Variants in LTBP1 observed in about 807,000 individuals in gnomAD.
LTBP1 encodes latent-transforming growth factor beta-binding protein 1.
LTBP1 carries 129 observed loss-of-function variants against 207.6 expected under a neutral mutation model. That is an observed-to-expected ratio of 0.62 (90% CI 0.54 to 0.72). The LOEUF (loss-of-function observed/expected upper bound fraction) is 0.72. LTBP1 is among the 30% of genes least tolerant of loss of function. The pLI, the probability that LTBP1 is intolerant of heterozygous loss-of-function variation, is 0.00. For synonymous variants in LTBP1, 963 were observed against 833.7 expected (o/e 1.16, Z -2.67); for missense variants, 2,281 against 2,217.2 (o/e 1.03, Z -0.58).
chr2:33,380,849 G>A (rs1320697795), intron 31 of LTBP1, among the ~76,000 whole-genome samples: 1 of 152,054 alleles, frequency 6.6e-6, no homozygotes, highest in Non-Finnish European at 1.5e-5. Flanking sequence ...TTATTCTTAA[G>A]CACATGCTTA....
chr2:33,202,594 C>A (rs1242880861), intron 7 of LTBP1, among the ~76,000 whole-genome samples: 3 of 152,210 alleles, frequency 2.0e-5, no homozygotes, highest in Non-Finnish European at 1.5e-5. Flanking sequence ...ACACTTTTCA[C>A]ACTGGTTATT....
At chr2:33,083,871 A>C (rs954191691) in intron 3 of LTBP1, among the ~76,000 whole-genome samples, 4 of 152,310 alleles carry the variant, frequency 2.6e-5, no homozygotes, top group African/African-American at 7.2e-5. Flanking sequence ...TGACCACCTG[A>C]CGCACTGTCA....
intron 2 of LTBP1, among the ~76,000 whole-genome samples, chr2:32,990,020 G>A (rs769466411): frequency 6.6e-5 from 10 of 152,136 alleles, no homozygotes; most frequent in East Asian, 1.9e-4. Flanking sequence ...TGGGAGGACC[G>A]CTTGAGCCCA....
rs926843824 is a variant in LTBP1, at chr2:33,169,293, C to T, written c.1202-17563C>T. 4.7e-4 allele frequency among the ~76,000 whole-genome samples: 72 copies of T among 152,276 alleles called. 1 individual carries two copies. Among genetic ancestry groups the T allele is most frequent in the Admixed American group, 2.9e-3 (45 of 15,286 alleles). On this transcript the variant is annotated intron_variant, in intron 5 of 33. Coordinates refer to ENST00000404816, the MANE Select transcript of LTBP1 (RefSeq NM_206943.4). ...CTGTTCTTCCATTCCTAACTCCACC[C>T]GAAACTGCCACATTATATTTTTCTT...
chr2:33,055,155 G>T (rs748576275), intron 3 of LTBP1, among the ~76,000 whole-genome samples: 12 of 152,154 alleles, frequency 7.9e-5, no homozygotes, highest in Middle Eastern at 3.2e-3. Flanking sequence ...CACCGAGGTT[G>T]CAAGGTTTAA....
intron 5 of LTBP1, among the ~76,000 whole-genome samples, chr2:33,176,321 G>T (rs1274451804): frequency 6.6e-6 from 1 of 152,112 alleles, no homozygotes; most frequent in East Asian, 1.9e-4. Context: ...CCGCCTCCCG[G>T]TTCATGCCAT....
intron 2 of LTBP1, among the ~76,000 whole-genome samples, chr2:32,955,302 T>C (rs1329880791): frequency 6.6e-6 from 1 of 152,260 alleles, no homozygotes; most frequent in Non-Finnish European, 1.5e-5. Context: ...CAGTCAAAGA[T>C]TGCTGCACAT....
chr2:33,013,628 C>A (rs1687969256), intron 2 of LTBP1, among the ~76,000 whole-genome samples: 2 of 152,140 alleles, frequency 1.3e-5, no homozygotes, highest in South Asian at 4.2e-4. Flanking sequence ...AGATCAGAAA[C>A]AATCCAGGAA....
At chr2:32,948,154 C>A (rs1040117008) in intron 1 of LTBP1, among the ~76,000 whole-genome samples, 2 of 152,164 alleles carry the variant, frequency 1.3e-5, no homozygotes, top group South Asian at 4.1e-4. Flanking sequence ...CAGTTTAATC[C>A]CTCAGCATCA....
Position 33,303,552 on chromosome 2 carries a change from G to A in LTBP1, c.3481+1908G>A, listed in dbSNP as rs532051659. Reference sequence around the variant, plus strand: ...TTTTTAATAGAGACGGGTTTTCACCGTGTTAACCTGGATGGTCTTGATCTC... The same window carrying A: ...TTTTTAATAGAGACGGGTTTTCACCATGTTAACCTGGATGGTCTTGATCTC... On this transcript the variant is annotated intron_variant, in intron 22 of 33. Coordinates refer to ENST00000404816, the MANE Select transcript of LTBP1 (RefSeq NM_206943.4). Among the ~76,000 whole-genome samples the A allele has an allele frequency of 6.1e-4, 93 of 151,990 alleles. 1 individual carries two copies. Among genetic ancestry groups the A allele is most frequent in the Admixed American group, 1.0e-3 (16 of 15,254 alleles).
At chr2:33,348,040 G>A (rs558923754) in intron 26 of LTBP1, among the ~76,000 whole-genome samples, 3 of 152,276 alleles carry the variant, frequency 2.0e-5, no homozygotes, top group South Asian at 2.1e-4. Flanking sequence ...AGGCTGTGTC[G>A]TCACTGTGCA....
At chr2:33,374,723 G>A (rs575244879) in intron 31 of LTBP1, among the ~76,000 whole-genome samples, 8 of 152,300 alleles carry the variant, frequency 5.3e-5, no homozygotes, top group African/African-American at 1.7e-4. Flanking sequence ...GGAGGCCAAG[G>A]TGGGCAGATT....
chr2:33,329,724 A>G (rs2094472689), intron 24 of LTBP1, among the ~76,000 whole-genome samples: 1 of 152,010 alleles, frequency 6.6e-6, no homozygotes, highest in Non-Finnish European at 1.5e-5. Flanking sequence ...TGCATTATTC[A>G]TATTATTTAA....
intron 5 of LTBP1, among the ~76,000 whole-genome samples, chr2:33,157,662 A>G (rs887030214): frequency 2.0e-5 from 3 of 152,212 alleles, no homozygotes; most frequent in Non-Finnish European, 4.4e-5. Flanking sequence ...AAAATTGGCC[A>G]TCTATAGGAT....
chr2:33,201,227 C>G (rs527424208), intron 7 of LTBP1, among the ~76,000 whole-genome samples: 1,671 of 152,212 alleles, frequency 0.011, 12 homozygotes, highest in Middle Eastern at 0.058. Context: ...GGAACCAACC[C>G]AAATGGCCAA....
intron 3 of LTBP1, among the ~76,000 whole-genome samples, chr2:33,052,266 T>C (rs1378073594): frequency 6.6e-6 from 1 of 152,242 alleles, no homozygotes; most frequent in Non-Finnish European, 1.5e-5. Flanking sequence ...GGGTGTGTGG[T>C]ATTTGGAAAA....
At chr2:33,154,882 G>A (rs2083839992) in intron 5 of LTBP1, among the ~76,000 whole-genome samples, 1 of 152,098 alleles carries the variant, frequency 6.6e-6, no homozygotes, top group African/African-American at 2.4e-5. Context: ...GACCAACACA[G>A]TGAAACCCCA....
intron 31 of LTBP1, among the ~76,000 whole-genome samples, chr2:33,369,531 A>G (rs1266091744): frequency 6.6e-6 from 1 of 151,586 alleles, no homozygotes; most frequent in Non-Finnish European, 1.5e-5. Context: ...CTGTTGGAGT[A>G]TATAGGAATT....
intron 2 of LTBP1, among the ~76,000 whole-genome samples, chr2:33,020,162 A>G (rs1193375050): frequency 2.0e-5 from 3 of 152,108 alleles, no homozygotes; most frequent in African/African-American, 7.2e-5. Flanking sequence ...TTTTATACAA[A>G]CTAGCAGGTG....
Sources: gnomAD v4.1 joint callset for allele counts (sites outside exome capture counted in the v4.1 genomes callset) on GRCh38, gnomAD v4.1.1 for gene constraint, MANE v1.5 for transcripts, NCBI Gene and HGNC (gene_info 2026-07-23, HGNC 2026-07-21) for gene names.